Variants in AKAP6 observed in about 807,000 individuals in gnomAD.
The protein encoded by AKAP6 is A-kinase anchor protein 6.
A neutral mutation model predicts 188.5 loss-of-function variants in AKAP6; 58 were observed. The ratio of observed to expected loss-of-function variants is 0.31; its 90% CI spans 0.25 to 0.38. The LOEUF is 0.38. Ranked by LOEUF, AKAP6 falls within the 10% of genes least tolerant of loss-of-function variation. The pLI is 1.00. For missense variants in AKAP6, 2,710 were observed against 2,740.0 expected, an observed-to-expected ratio of 0.99 and a Z score of 0.24; for synonymous variants, 989 against 998.6, an observed-to-expected ratio of 0.99 and a Z score of 0.18.
At position 32,577,561 on chromosome 14, in the gene AKAP6, TAAATG is replaced by T. The variant is rs145718791; in HGVS notation, c.2469+323_2469+327del. Among the ~76,000 whole-genome samples the T allele has an allele frequency of 9.8e-3, 1,489 of 152,194 alleles. 13 individuals carry two copies. Among genetic ancestry groups the T allele is most frequent in the Non-Finnish European group, 0.015 (1,045 of 67,980 alleles). On this transcript the variant is annotated intron_variant, in intron 5 of 13. Coordinates refer to ENST00000280979, the MANE Select transcript of AKAP6 (RefSeq NM_004274.5). ...AGGTTTTCCCTTTCTTAAAAACAAA[TAAATG>T]AAAGAGATGATTTTGATGACCATTC...
intron 4 of AKAP6, 41 bp from the exon 5 acceptor site, chr14:32,577,078 CT>C (rs1214344047): frequency 6.3e-7 from 1 of 1,582,792 alleles, no homozygotes; most frequent in South Asian, 1.2e-5. Flanking sequence ...ACTAACATGC[CT>C]TTCTTGCCCC....
At chr14:32,702,445 C>A (rs1345979419) in intron 9 of AKAP6, among the ~76,000 whole-genome samples, 1 of 148,294 alleles carries the variant, frequency 6.7e-6, no homozygotes, top group South Asian at 2.1e-4. Context: ...CAAAACTTAT[C>A]CTGAAAATGT....
chr14:32,347,859 G>A (rs1008989217), intron 1 of AKAP6, among the ~76,000 whole-genome samples: 2 of 152,240 alleles, frequency 1.3e-5, no homozygotes, highest in African/African-American at 4.8e-5. Context: ...GGTTCCTCCT[G>A]TAATTCTTCC....
intron 2 of AKAP6, among the ~76,000 whole-genome samples, chr14:32,512,255 G>A (rs572127908): frequency 6.6e-6 from 1 of 152,052 alleles, no homozygotes; most frequent in Non-Finnish European, 1.5e-5. Flanking sequence ...TTTTCCTTTT[G>A]TTTGCCTTCT....
chr14:32,452,556 T>C (rs189238501), intron 2 of AKAP6, among the ~76,000 whole-genome samples: 1 of 152,312 alleles, frequency 6.6e-6, no homozygotes, highest in East Asian at 1.9e-4. Flanking sequence ...ATACCTGTAA[T>C]TCCAGCACTT....
intron 11 of AKAP6, among the ~76,000 whole-genome samples, chr14:32,763,920 C>T (rs1317489784): frequency 6.6e-6 from 1 of 152,040 alleles, no homozygotes; most frequent in African/African-American, 2.4e-5. Context: ...TAATGTTTTG[C>T]TATTTTGAAG....
At chr14:32,511,810 T>C (rs373220435) in intron 2 of AKAP6, among the ~76,000 whole-genome samples, 6 of 152,194 alleles carry the variant, frequency 3.9e-5, no homozygotes, top group African/African-American at 1.4e-4. Flanking sequence ...AATGTCTCGT[T>C]CATCTTTCTC....
intron 7 of AKAP6, among the ~76,000 whole-genome samples, chr14:32,633,469 T>C (rs1013252438): frequency 1.3e-5 from 2 of 152,068 alleles, no homozygotes; most frequent in Admixed American, 1.3e-4. Flanking sequence ...TATTACCATG[T>C]GACTTGCAGG....
chr14:32,403,822 C>T (rs747707698), intron 1 of AKAP6, among the ~76,000 whole-genome samples: 3 of 152,126 alleles, frequency 2.0e-5, no homozygotes, highest in Non-Finnish European at 2.9e-5. Context: ...TCATGAATAC[C>T]GATTAGCCAT....
At chr14:32,462,973 C>G (rs946016439) in intron 2 of AKAP6, among the ~76,000 whole-genome samples, 1 of 39,208 alleles carries the variant, frequency 2.6e-5, no homozygotes, top group African/African-American at 1.9e-4. Context: ...TTTAAGCCAA[C>G]AAAGATTAAA....
intron 2 of AKAP6, among the ~76,000 whole-genome samples, chr14:32,492,228 C>T (rs2145584): frequency 0.075 from 11,324 of 151,592 alleles, 1,207 homozygotes; most frequent in African/African-American, 0.24. Flanking sequence ...CTTTGCCTCA[C>T]CTCCTCTAAT....
intron 7 of AKAP6, among the ~76,000 whole-genome samples, chr14:32,665,642 A>G (rs927396269): frequency 6.6e-6 from 1 of 152,056 alleles, no homozygotes; most frequent in Non-Finnish European, 1.5e-5. Flanking sequence ...CTCATGGGAG[A>G]GTCTTAAGAC....
chr14:32,800,995 C>T lies in AKAP6; in HGVS notation c.3589-20407C>T, dbSNP rs149620348. 2.4e-3 allele frequency among the ~76,000 whole-genome samples: 371 copies of T among 152,190 alleles called. 3 individuals are homozygous for T. Among genetic ancestry groups the T allele is most frequent in the African/African-American group, 8.1e-3 (337 of 41,528 alleles). ...TTGTACCACTACGTGCCAGCCTGGG[C>T]AACAGAGTGACACTCTGTCTCAAAA... On this transcript the variant is annotated intron_variant, in intron 12 of 13. Coordinates refer to ENST00000280979, the MANE Select transcript of AKAP6 (RefSeq NM_004274.5).
chr14:32,546,536 A>T lies in AKAP6; in HGVS notation c.1883A>T (p.Asp628Val), dbSNP rs1219058993. Residue 628 changes from aspartate (D) to valine (V), a missense_variant, in exon 4 of 14, where the codon GAT becomes GTT. Asp to Val is a radical substitution (Grantham distance 152, BLOSUM62 -3). Around this residue, in one of 2 missense-constraint regions of AKAP6, gnomAD observed 2,473 missense variants for 2,426.1 expected, o/e 1.02. Coordinates refer to ENST00000280979, the MANE Select transcript of AKAP6 (RefSeq NM_004274.5). ...GTTGTGGAGGCCTGGTATGGCTCTG[A>T]TGAATACCTAGCACTGCCCTCTCAC... is the stretch of plus-strand genomic sequence containing the variant. ...GEVVEAWYGS[D>V]EYLALPSHLK... The T allele has an allele frequency of 1.2e-6, 2 of 1,614,166 alleles. No homozygotes were observed. The highest frequency in any genetic ancestry group is 4.5e-5 in the East Asian group (2 of 44,892).
At chr14:32,554,739 G>A (rs900491325) in intron 4 of AKAP6, among the ~76,000 whole-genome samples, 1 of 152,152 alleles carries the variant, frequency 6.6e-6, no homozygotes, top group Non-Finnish European at 1.5e-5. Flanking sequence ...TTGATGCTGG[G>A]TTAACAGCTG....
chr14:32,674,961 G>A (rs1267612468), intron 7 of AKAP6, among the ~76,000 whole-genome samples: 1 of 152,046 alleles, frequency 6.6e-6, no homozygotes, highest in African/African-American at 2.4e-5. Flanking sequence ...CCATTATACT[G>A]GGTGAGCCAG....
chr14:32,556,284 T>C (rs1181725863), intron 4 of AKAP6, among the ~76,000 whole-genome samples: 1 of 152,168 alleles, frequency 6.6e-6, no homozygotes, highest in Non-Finnish European at 1.5e-5. Context: ...CCATTACCCA[T>C]ATTTTAATAG....
chr14:32,410,689 G>A (rs1202824531), intron 1 of AKAP6, among the ~76,000 whole-genome samples: 2 of 152,134 alleles, frequency 1.3e-5, no homozygotes, highest in Non-Finnish European at 1.5e-5. Flanking sequence ...CCTTGAGTGA[G>A]AAAGAGCAAA....
chr14:32,504,807 T>C (rs533865289), intron 2 of AKAP6, among the ~76,000 whole-genome samples: 1 of 152,334 alleles, frequency 6.6e-6, no homozygotes, highest in South Asian at 2.1e-4. Context: ...AACAATAAGA[T>C]ACAGTCGTGC....
Sources: allele counts gnomAD v4.1 joint callset (sites outside exome capture counted in the v4.1 genomes callset), GRCh38; gene constraint gnomAD v4.1.1; regional missense constraint gnomAD v4.1.1; transcripts MANE v1.5; gene names NCBI Gene and HGNC (gene_info 2026-07-23, HGNC 2026-07-21).